The following LGR6 variants were observed in gnomAD, a reference collection of about 807,000 sequenced individuals.
LGR6 encodes the protein leucine-rich repeat-containing G protein-coupled receptor 6.
Under a neutral mutation model 69.4 loss-of-function variants are expected in LGR6, and 45 were observed. The ratio of observed to expected loss-of-function variants is 0.65; its 90% CI spans 0.51 to 0.83. The LOEUF (loss-of-function observed/expected upper bound fraction) is 0.83, where lower values mean the gene tolerates loss of function less well. Ranked by LOEUF, LGR6 falls within the 40% of genes least tolerant of loss-of-function variation. LGR6 has a pLI of 0.00. For missense variants in LGR6, 1,108 were observed against 1,246.7 expected (o/e 0.89, Z 1.68); for synonymous variants, 538 against 555.0 (o/e 0.97, Z 0.43).
chr1:202,308,969 A>T, intron 14 of LGR6, 82 bp from the exon 15 acceptor site: 2 of 1,539,384 alleles, frequency 1.3e-6, no homozygotes, highest in Admixed American at 1.7e-5. Flanking sequence ...CATCCCAGGC[A>T]CACTGGCCAC....
At chr1:202,248,837 T>G (rs1467200707) in intron 4 of LGR6, among the ~76,000 whole-genome samples, 1 of 152,166 alleles carries the variant, frequency 6.6e-6, no homozygotes, top group Non-Finnish European at 1.5e-5. Flanking sequence ...CCTGCCTTTA[T>G]TGCCTGGTGA....
intron 4 of LGR6, among the ~76,000 whole-genome samples, chr1:202,241,246 G>A (rs1662178264): frequency 6.6e-6 from 1 of 152,242 alleles, no homozygotes; most frequent in East Asian, 1.9e-4. Flanking sequence ...GGGGTGATGT[G>A]TTCCCAGAGC....
Position 202,300,928 on chromosome 1 carries a change from C to A in LGR6, c.857+8C>A. Reference sequence around the variant, plus strand: ...CCCTCTGCTACAGACGATGTGAGTACTACTTTCTCTGGTCTCTTAATGCCG... The same window carrying A: ...CCCTCTGCTACAGACGATGTGAGTAATACTTTCTCTGGTCTCTTAATGCCG... On this transcript the variant is annotated splice_region_variant and intron_variant, in intron 8 of 17. Coordinates refer to ENST00000367278, the MANE Select transcript of LGR6 (RefSeq NM_001017403.2). 6.2e-7 allele frequency: 1 copy of A among 1,605,320 alleles called. No homozygotes were observed. Among genetic ancestry groups the A allele is most frequent in the Non-Finnish European group, 8.5e-7 (1 of 1,173,652 alleles).
At chr1:202,212,244 C>T (rs1269435952) in intron 1 of LGR6, among the ~76,000 whole-genome samples, 2 of 152,058 alleles carry the variant, frequency 1.3e-5, no homozygotes, top group East Asian at 3.8e-4. Context: ...GAATGACTTT[C>T]CTAGGTGGAG....
chr1:202,267,783 T>C (rs1009389372), intron 4 of LGR6, among the ~76,000 whole-genome samples: 1 of 152,226 alleles, frequency 6.6e-6, no homozygotes, highest in Non-Finnish European at 1.5e-5. Context: ...GGAAAGAGAC[T>C]ATGTGTTATT....
At chr1:202,256,651 T>A (rs770882850) in intron 4 of LGR6, among the ~76,000 whole-genome samples, 1 of 152,266 alleles carries the variant, frequency 6.6e-6, no homozygotes, top group Non-Finnish European at 1.5e-5. Context: ...ACGTTTTGGT[T>A]ATTATGAATA....
At chr1:202,214,550 C>T (rs984044163) in intron 1 of LGR6, among the ~76,000 whole-genome samples, 1 of 152,100 alleles carries the variant, frequency 6.6e-6, no homozygotes, top group Non-Finnish European at 1.5e-5. Context: ...GCTAGGGGCT[C>T]CACTGAACCA....
intron 3 of LGR6, among the ~76,000 whole-genome samples, chr1:202,233,270 G>A (rs1171623471): frequency 6.6e-6 from 1 of 152,190 alleles, no homozygotes; most frequent in Non-Finnish European, 1.5e-5. Context: ...AATCTTAGGA[G>A]GTGATGTAGG....
chr1:202,240,021 T>G (rs1420525375), intron 4 of LGR6, among the ~76,000 whole-genome samples: 1 of 152,134 alleles, frequency 6.6e-6, no homozygotes, highest in Admixed American at 6.5e-5. Flanking sequence ...ACCCAGTTCT[T>G]GGGCTTTGAC....
chr1:202,214,227 G>A, intron 1 of LGR6: 1 of 1,542,084 alleles, frequency 6.5e-7, no homozygotes, highest in Non-Finnish European at 8.7e-7. Context: ...TGCACGGCGC[G>A]GTGCGCCCAG....
At chr1:202,197,472 C>T (rs763064836) in intron 1 of LGR6, 5 of 533,130 alleles carry the variant, frequency 9.4e-6, no homozygotes, top group African/African-American at 5.8e-5. Context: ...CATTGACACT[C>T]ACCGGGGTTT....
intron 1 of LGR6, chr1:202,197,417 C>T (rs1286029297): frequency 3.8e-6 from 2 of 533,282 alleles, no homozygotes; most frequent in African/African-American, 3.9e-5. Context: ...ATATGTCTCT[C>T]TTTTTTGCAA....
chr1:202,257,684 A>G (rs549798775), intron 4 of LGR6, among the ~76,000 whole-genome samples: 1 of 152,278 alleles, frequency 6.6e-6, no homozygotes, highest in South Asian at 2.1e-4. Flanking sequence ...CTACATATCT[A>G]TCCTTACCAT....
chr1:202,194,705 C>CA, intron 1 of LGR6: 4 of 198,788 alleles, frequency 2.0e-5, no homozygotes, highest in South Asian at 3.6e-5. Context: ...TTCGTGGGGG[C>CA]GGGGGGGGCG....
At chr1:202,236,247 G>A in intron 4 of LGR6, 1 of 535,316 alleles carries the variant, frequency 1.9e-6, no homozygotes, top group South Asian at 2.2e-5. Context: ...GTGGGAATGG[G>A]ACCTCCCTAG....
chr1:202,319,228 C>T lies in LGR6; in HGVS notation c.*21C>T, dbSNP rs1342458250. The stretch of plus-strand genomic sequence containing the variant: ...TGTAAATATCCCTCCCCATTCTTCT[C>T]TTCCCCTCTCTTCCCTTTCCTCTCT... On this transcript the variant is annotated 3_prime_UTR_variant, in exon 18 of 18. Transcript: ENST00000367278. 5 of 1,535,688 alleles carry T rather than the reference C, an allele frequency of 3.3e-6. No individual in the cohort carries two copies. Among genetic ancestry groups the T allele is most frequent in the African/African-American group, 2.8e-5 (2 of 72,694 alleles).
chr1:202,193,960 G>T lies in LGR6; in HGVS notation c.-30G>T. ...TCGCGCCGTGCGTCCGCGCCCGGCCGCCAGGTGCCCCAGTAGCCCGACCGC... is the reference window on the plus strand; with the variant it reads ...TCGCGCCGTGCGTCCGCGCCCGGCCTCCAGGTGCCCCAGTAGCCCGACCGC... On this transcript the variant is annotated 5_prime_UTR_variant, in exon 1 of 18. Coordinates refer to ENST00000367278, the MANE Select transcript of LGR6 (RefSeq NM_001017403.2). The T allele has an allele frequency of 7.7e-7, 1 of 1,291,800 alleles. No homozygotes were observed. The highest frequency in any genetic ancestry group is 9.8e-7 in the Non-Finnish European group (1 of 1,016,824). 80.0% of individuals were successfully genotyped at this position (1,291,800 alleles called of 1,614,324 possible).
In LGR6 at chr1:202,234,739, A is replaced by T. The variant is rs572166348; in HGVS notation, c.357-1183A>T. ...ACAAGTTCTAAGACCAGGACCTGGC[A>T]CATTAGCCATTCCTATTATTAAACT... On this transcript the variant is annotated intron_variant, in intron 3 of 17. Coordinates refer to ENST00000367278, the MANE Select transcript of LGR6 (RefSeq NM_001017403.2). Among the ~76,000 whole-genome samples, 14 of 152,352 alleles carry T rather than the reference A, an allele frequency of 9.2e-5. No homozygotes were observed. The South Asian group carries it at 2.7e-3, about 29-fold the overall frequency.
chr1:202,233,111 G>A (rs1007434135), intron 3 of LGR6, among the ~76,000 whole-genome samples: 16 of 152,182 alleles, frequency 1.1e-4, no homozygotes, highest in South Asian at 4.1e-4. Context: ...GAGTTGTCTC[G>A]GGGAGACAAT....
Sources: allele counts gnomAD v4.1 joint callset (sites outside exome capture counted in the v4.1 genomes callset), GRCh38; gene constraint gnomAD v4.1.1; transcripts MANE v1.5; gene names NCBI Gene and HGNC (gene_info 2026-07-23, HGNC 2026-07-21).